The following MYO7A variants were observed in gnomAD, a reference collection of about 807,000 sequenced individuals.
MYO7A encodes unconventional myosin-VIIa.
A neutral mutation model predicts 263.8 loss-of-function variants in MYO7A; 210 were observed. The ratio of observed to expected loss-of-function variants is 0.80; its 90% CI spans 0.71 to 0.89. The LOEUF is 0.89. MYO7A is among the 40% of genes least tolerant of loss of function. The pLI is 0.00. For synonymous variants in MYO7A, 1,239 were observed against 1,197.3 expected (o/e 1.03, Z -0.72); for missense variants, 2,820 against 2,968.3 (o/e 0.95, Z 1.16).
chr11:77,179,240 C>T lies in MYO7A; in HGVS notation c.2367+111C>T, dbSNP rs546491783. ...GGCAGCACAGCCTGGCCTCGTTGGCCTCCTGCCACTGCCCTGGCCAGCCAC... is the reference window on the plus strand; with the variant it reads ...GGCAGCACAGCCTGGCCTCGTTGGCTTCCTGCCACTGCCCTGGCCAGCCAC... On this transcript the variant is annotated intron_variant, in intron 20 of 48. Transcript: ENST00000409709. The T allele has an allele frequency of 1.1e-5, 10 of 896,836 alleles. No homozygotes were observed. In the African/African-American group the frequency reaches 1.3e-4, roughly 12 times the overall value. 55.6% of individuals were successfully genotyped at this position (896,836 alleles called of 1,614,324 possible). A position where few individuals can be genotyped will look rare whatever the true frequency, so the allele number is the denominator to read the frequency against.
intron 15 of MYO7A, among the ~76,000 whole-genome samples, chr11:77,166,626 G>A (rs1953575811): frequency 6.6e-6 from 1 of 152,196 alleles, no homozygotes; most frequent in Non-Finnish European, 1.5e-5. Context: ...GCCCTAGGGT[G>A]AGGGTCTAGT....
chr11:77,153,513 G>A (rs1019654433), intron 4 of MYO7A, among the ~76,000 whole-genome samples: 8 of 152,106 alleles, frequency 5.3e-5, no homozygotes, highest in East Asian at 3.9e-4. Flanking sequence ...CCCAGCCCTG[G>A]GCCAGCTTCT....
intron 4 of MYO7A, among the ~76,000 whole-genome samples, 154 bp downstream of exon 4, chr11:77,148,104 G>A (rs1020133061): frequency 2.6e-5 from 4 of 152,044 alleles, no homozygotes; most frequent in African/African-American, 9.7e-5. Context: ...CGGGGCCCCT[G>A]CTGGGGCCCA....
At chr11:77,187,516 G>A (rs1487994338) in intron 27 of MYO7A, among the ~76,000 whole-genome samples, 8 of 152,068 alleles carry the variant, frequency 5.3e-5, no homozygotes, top group Admixed American at 3.3e-4. Context: ...CCCCGCTGCC[G>A]CCAGCTCACC....
In MYO7A at chr11:77,161,072, G is replaced by C. The variant is rs145544778; in HGVS notation, c.1300G>C (p.Gly434Arg). Reference sequence around the variant, plus strand: ...TGTGAAGAACTCTCGCAGGTCCATCGGCCTCCTGGACATCTTTGGGTTTGA... The same window carrying C: ...TGTGAAGAACTCTCGCAGGTCCATCCGCCTCCTGGACATCTTTGGGTTTGA... ...QDVKNSRRSIGLLDIFGFENF... is the reference protein window; with the variant it reads ...QDVKNSRRSIRLLDIFGFENF... The change falls in exon 12 of 49, where the codon GGC (glycine) becomes CGC (arginine). Residue 434 changes from glycine (G) to arginine (R), a missense_variant. Gly to Arg is a moderately radical substitution (Grantham distance 125). Coordinates refer to ENST00000409709, the MANE Select transcript of MYO7A (RefSeq NM_000260.4). The C allele has an allele frequency of 3.1e-6, 5 of 1,613,958 alleles. No individual in the cohort carries two copies. The South Asian group carries it at 5.5e-5, about 18-fold the overall frequency.
At chr11:77,175,221 G>T in intron 17 of MYO7A, 151 bp from the exon 18 acceptor site, 1 of 722,140 alleles carries the variant, frequency 1.4e-6, no homozygotes. Context: ...GAGAAAACTG[G>T]GGCTCAGAGA....
chr11:77,182,985 G>C (rs1955379789), intron 25 of MYO7A, 83 bp from the exon 26 acceptor site: 1 of 1,197,624 alleles, frequency 8.3e-7, no homozygotes, highest in African/African-American at 1.5e-5. Flanking sequence ...AAGCGAGACG[G>C]TTCCCCGCAA....
chr11:77,196,159 G>A (rs1165655991), intron 32 of MYO7A, among the ~76,000 whole-genome samples: 1 of 152,230 alleles, frequency 6.6e-6, no homozygotes, highest in Non-Finnish European at 1.5e-5. Context: ...ATGAGGTCAG[G>A]AGTTTGAGAC....
intron 15 of MYO7A, among the ~76,000 whole-genome samples, chr11:77,172,363 G>C (rs782319928): frequency 3.3e-5 from 5 of 152,192 alleles, no homozygotes; most frequent in Non-Finnish European, 7.3e-5. Context: ...TCAGTGTCCT[G>C]AGGTGACCAA....
At chr11:77,170,762 G>T (rs781874982) in intron 15 of MYO7A, among the ~76,000 whole-genome samples, 2 of 152,164 alleles carry the variant, frequency 1.3e-5, no homozygotes, top group Non-Finnish European at 2.9e-5. Context: ...AGACGAGTTG[G>T]GGGGTTGCTG....
Position 77,208,775 on chromosome 11 carries a change from T to C in MYO7A, c.6023T>C (p.Met2008Thr), listed in dbSNP as rs531208482. 2.4e-5 allele frequency: 37 copies of C among 1,573,964 alleles called. No homozygotes were observed. The East Asian group carries it at 7.3e-4, about 31-fold the overall frequency. The change falls in exon 44 of 49, where the codon ATG (methionine) becomes ACG (threonine). Residue 2008 changes from methionine to threonine, a missense_variant. Met to Thr is a moderately conservative substitution (Grantham distance 81). Coordinates refer to ENST00000409709, the MANE Select transcript of MYO7A (RefSeq NM_000260.4). Reference protein sequence around the residue: ...WTTTVPGKDPMADSIFHYYQE... With the variant: ...WTTTVPGKDPTADSIFHYYQE... ...ACCACGGTGCCAGGGAAGGATCCCATGGCCGATTCCATCTTCCACTATTAC... is the reference window on the plus strand; with the variant it reads ...ACCACGGTGCCAGGGAAGGATCCCACGGCCGATTCCATCTTCCACTATTAC...
intron 3 of MYO7A, among the ~76,000 whole-genome samples, chr11:77,146,983 G>A (rs951053768): frequency 5.3e-5 from 8 of 152,060 alleles, no homozygotes; most frequent in Admixed American, 1.3e-4. Context: ...GGAATATTGC[G>A]GAGTAAGGAG....
intron 15 of MYO7A, among the ~76,000 whole-genome samples, 153 bp from the exon 16 acceptor site, chr11:77,172,595 G>A (rs560966356): frequency 6.6e-6 from 1 of 152,286 alleles, no homozygotes; most frequent in African/African-American, 2.4e-5. Context: ...CTCAGAAGGT[G>A]GGGAGAGGCA....
At chr11:77,150,242 G>A (rs1951870156) in intron 4 of MYO7A, among the ~76,000 whole-genome samples, 1 of 152,244 alleles carries the variant, frequency 6.6e-6, no homozygotes. Flanking sequence ...CAGTGTCTCA[G>A]CATAGCTCAG....
At position 77,202,544 on chromosome 11, in the gene MYO7A, A is replaced by G. The variant is rs932675595; in HGVS notation, c.5168+120A>G. ...CCCACCTGTGAGCAGGGCCTGGGTCAGAGGGAGCTGGAGGGCTGTTTCTGT... is the reference window on the plus strand; with the variant it reads ...CCCACCTGTGAGCAGGGCCTGGGTCGGAGGGAGCTGGAGGGCTGTTTCTGT... On this transcript the variant is annotated intron_variant, in intron 37 of 48. Transcript: ENST00000409709. 5 of 1,343,142 alleles carry G rather than the reference A, an allele frequency of 3.7e-6. No homozygotes were observed. The African/African-American group carries it at 7.3e-5, about 20-fold the overall frequency. 83.2% of individuals were successfully genotyped at this position (1,343,142 alleles called of 1,614,324 possible).
intron 15 of MYO7A, among the ~76,000 whole-genome samples, chr11:77,167,893 A>G (rs1390205834): frequency 2.0e-5 from 3 of 152,104 alleles, no homozygotes; most frequent in African/African-American, 7.2e-5. Flanking sequence ...CTGACAGACC[A>G]ACACTGTAGG....
Position 77,176,561 on chromosome 11 carries a change from G to A in MYO7A, c.2188-988G>A, listed in dbSNP as rs573012690. ...CCAGCCCCTGTGTGGGCAAAGTGGGGAAGGCAGGAATCATGATGGCATCTA... is the reference window on the plus strand; with the variant it reads ...CCAGCCCCTGTGTGGGCAAAGTGGGAAAGGCAGGAATCATGATGGCATCTA... On this transcript the variant is annotated intron_variant, in intron 18 of 48. Coordinates refer to ENST00000409709, the MANE Select transcript of MYO7A (RefSeq NM_000260.4). Among the ~76,000 whole-genome samples, 7 of 152,342 alleles carry A rather than the reference G, an allele frequency of 4.6e-5. No individual in the cohort carries two copies. In the East Asian group the frequency reaches 1.2e-3, roughly 25 times the overall value.
At chr11:77,205,355 C>A in intron 39 of MYO7A, 107 bp from the exon 40 acceptor site, 1 of 1,331,212 alleles carries the variant, frequency 7.5e-7, no homozygotes, top group Non-Finnish European at 1.0e-6. Flanking sequence ...GACGGTGCTG[C>A]TGTGATGAGC....
rs547835228 is a variant in MYO7A, at chr11:77,185,381, G to A, written c.3503+666G>A. 9.6e-4 allele frequency among the ~76,000 whole-genome samples: 147 copies of A among 152,332 alleles called. 1 individual carries two copies. The highest frequency in any genetic ancestry group is 3.4e-3 in the African/African-American group (143 of 41,580). On this transcript the variant is annotated intron_variant, in intron 27 of 48. Transcript: ENST00000409709. The stretch of plus-strand genomic sequence containing the variant: ...CTGCTGCTTTATCAATTAAGTTGAT[G>A]CAATATTCTAAATCCTTTGTTGTCA...
Sources: allele counts gnomAD v4.1 joint callset (sites outside exome capture counted in the v4.1 genomes callset), GRCh38; gene constraint gnomAD v4.1.1; transcripts MANE v1.5; gene names NCBI Gene and HGNC (gene_info 2026-07-23, HGNC 2026-07-21).